Variants in MAP2K4 observed in about 807,000 individuals in gnomAD.
The protein encoded by MAP2K4 is mitogen-activated protein kinase kinase 4.
MAP2K4 carries 4 observed loss-of-function variants against 48.5 expected under a neutral mutation model. That is an observed-to-expected ratio of 0.08 (90% CI 0.04 to 0.19). The LOEUF is 0.19. MAP2K4 is among the 10% of genes least tolerant of loss of function. The pLI is 1.00. For missense variants in MAP2K4, 258 were observed against 493.3 expected, an observed-to-expected ratio of 0.52 and a Z score of 4.52; for synonymous variants, 166 against 173.1, an observed-to-expected ratio of 0.96 and a Z score of 0.32.
intron 6 of MAP2K4, among the ~76,000 whole-genome samples, chr17:12,112,395 G>A (rs1472999905): frequency 6.6e-6 from 1 of 151,446 alleles, no homozygotes; most frequent in Non-Finnish European, 1.5e-5. Context: ...CTTGGGAGGC[G>A]GAGGTTGCAG....
At chr17:12,111,132 G>A (rs1972291083) in intron 6 of MAP2K4, among the ~76,000 whole-genome samples, 1 of 152,104 alleles carries the variant, frequency 6.6e-6, no homozygotes, top group South Asian at 2.1e-4. Context: ...AATTTGTAAC[G>A]GAAAAACCTG....
intron 2 of MAP2K4, among the ~76,000 whole-genome samples, chr17:12,070,960 TG>T: frequency 6.6e-6 from 1 of 152,350 alleles, no homozygotes; most frequent in East Asian, 1.9e-4. Context: ...GGCAGGGCCA[TG>T]CTTCTCCCGA....
intron 9 of MAP2K4, among the ~76,000 whole-genome samples, chr17:12,137,871 TA>T (rs1222507107): frequency 6.6e-6 from 1 of 152,148 alleles, no homozygotes; most frequent in African/African-American, 2.4e-5. Context: ...GCATAAATGA[TA>T]AACAAAGGTA....
At chr17:12,098,041 T>C (rs976658072) in intron 4 of MAP2K4, among the ~76,000 whole-genome samples, 6 of 152,200 alleles carry the variant, frequency 3.9e-5, no homozygotes, top group African/African-American at 1.4e-4. Context: ...GTAACAACTT[T>C]TACAATAGTA....
At chr17:12,067,361 T>C (rs62060998) in intron 2 of MAP2K4, among the ~76,000 whole-genome samples, 25,542 of 152,102 alleles carry the variant, frequency 0.17, 2,508 homozygotes, top group South Asian at 0.3. Flanking sequence ...GTAGCTGTGT[T>C]TTCTCGACCT....
At chr17:12,112,083 T>C (rs905298026) in intron 6 of MAP2K4, among the ~76,000 whole-genome samples, 12 of 152,320 alleles carry the variant, frequency 7.9e-5, no homozygotes, top group Admixed American at 3.3e-4. Flanking sequence ...ACTACCCTTA[T>C]AAAACTTATA....
At chr17:12,136,453 C>G (rs939027098) in intron 9 of MAP2K4, among the ~76,000 whole-genome samples, 2 of 152,182 alleles carry the variant, frequency 1.3e-5, no homozygotes, top group African/African-American at 4.8e-5. Flanking sequence ...GAAGACAGAG[C>G]TGAAGCTCTC....
intron 2 of MAP2K4, among the ~76,000 whole-genome samples, chr17:12,079,903 A>G (rs908850124): frequency 6.6e-6 from 1 of 152,204 alleles, no homozygotes; most frequent in African/African-American, 2.4e-5. Flanking sequence ...CACTTATGCC[A>G]CTGATTTCCG....
chr17:12,054,112 T>C (rs1735376483), intron 1 of MAP2K4, among the ~76,000 whole-genome samples: 1 of 152,158 alleles, frequency 6.6e-6, no homozygotes, highest in African/African-American at 2.4e-5. Flanking sequence ...ATTTTCATGG[T>C]CTGATTTCAA....
chr17:12,077,372 G>A (rs1449451034), intron 2 of MAP2K4, among the ~76,000 whole-genome samples: 1 of 152,136 alleles, frequency 6.6e-6, no homozygotes, highest in Admixed American at 6.5e-5. Context: ...AATAATGCTA[G>A]GGGCTGTATT....
At chr17:12,109,628 G>A (rs1473984032) in intron 5 of MAP2K4, among the ~76,000 whole-genome samples, 1 of 152,168 alleles carries the variant, frequency 6.6e-6, no homozygotes, top group Non-Finnish European at 1.5e-5. Flanking sequence ...TTCCCACAGT[G>A]GTGAACAGAG....
chr17:12,071,843 C>G lies in MAP2K4; in HGVS notation c.219-9513C>G, dbSNP rs114957635. ...TTTTGTCATTGTGGGAGTATACAAA[C>G]TATTGGCCTGGGCAGGAGAGAAGGT... On this transcript the variant is annotated intron_variant, in intron 2 of 10. Transcript: ENST00000353533. 3.4e-3 allele frequency among the ~76,000 whole-genome samples: 514 copies of G among 152,220 alleles called. 5 individuals carry two copies. The highest frequency in any genetic ancestry group is 0.012 in the African/African-American group (498 of 41,540).
intron 2 of MAP2K4, among the ~76,000 whole-genome samples, chr17:12,073,962 CG>C (rs771740181): frequency 1.3e-5 from 2 of 151,804 alleles, no homozygotes; most frequent in Admixed American, 6.6e-5. Flanking sequence ...TTAGTAGAGA[CG>C]GGGGTTCACC....
chr17:12,107,363 A>G (rs12936880), intron 4 of MAP2K4, among the ~76,000 whole-genome samples: 94,413 of 143,434 alleles, frequency 0.66, 31,878 homozygotes, highest in South Asian at 0.81. Context: ...GATTTACTTT[A>G]TGTATTTTTG....
rs573347137 is a variant in MAP2K4 at position 12,117,679 on chromosome 17, C to A, written c.813+4319C>A. On this transcript the variant is annotated intron_variant, in intron 7 of 10. Transcript: ENST00000353533. ...AATGTCAAAGAGGCCTGCAGATACC[C>A]CTAGAGAGACAGCAGTTTGTTAAAG... 2.8e-4 allele frequency among the ~76,000 whole-genome samples: 43 copies of A among 152,156 alleles called. 1 individual carries two copies. Among genetic ancestry groups the A allele is most frequent in the African/African-American group, 9.9e-4 (41 of 41,492 alleles).
At chr17:12,103,582 T>A (rs1972010962) in intron 4 of MAP2K4, among the ~76,000 whole-genome samples, 1 of 152,154 alleles carries the variant, frequency 6.6e-6, no homozygotes, top group Admixed American at 6.6e-5. Context: ...TCTTTATATG[T>A]CTTCAAATAT....
chr17:12,063,198 A>G (rs1970507133), intron 2 of MAP2K4, among the ~76,000 whole-genome samples: 1 of 152,192 alleles, frequency 6.6e-6, no homozygotes, highest in Non-Finnish European at 1.5e-5. Context: ...GGGGGACTTA[A>G]AACGACCTGA....
chr17:12,139,008 T>G (rs932418622), intron 9 of MAP2K4, among the ~76,000 whole-genome samples: 1 of 152,206 alleles, frequency 6.6e-6, no homozygotes, highest in African/African-American at 2.4e-5. Context: ...GAATAAGTCC[T>G]TCCTTCTTAA....
chr17:12,129,268 A>C lies in MAP2K4; in HGVS notation c.1021A>C (p.Ile341Leu). The C allele has an allele frequency of 1.2e-6, 2 of 1,614,248 alleles. No individual in the cohort carries two copies. Among genetic ancestry groups the C allele is most frequent in the Non-Finnish European group, 8.5e-7 (1 of 1,180,034 alleles). ...GGAAAGGGAATTCTCCCCGAGTTTC[A>C]TCAACTTTGTCAACTTGTGGTGAGT... is the stretch of plus-strand genomic sequence containing the variant. ...SEEREFSPSFINFVNLCLTKD... is the reference protein window; with the variant it reads ...SEEREFSPSFLNFVNLCLTKD... The change falls in exon 9 of 11, where the codon ATC becomes CTC. Residue 341 changes from isoleucine to leucine, a missense_variant. Around this residue, in one of 3 missense-constraint regions of MAP2K4, gnomAD observed 57 missense variants for 84.3 expected, o/e 0.68. Transcript: ENST00000353533.
Sources: allele counts gnomAD v4.1 joint callset (sites outside exome capture counted in the v4.1 genomes callset), GRCh38; gene constraint gnomAD v4.1.1; regional missense constraint gnomAD v4.1.1; transcripts MANE v1.5; gene names NCBI Gene and HGNC (gene_info 2026-07-23, HGNC 2026-07-21).